SNX29: variants seen among roughly 807,000 people sequenced by gnomAD.
SNX29 encodes the protein sorting nexin-29.
In SNX29, 78 loss-of-function variants were observed where a neutral mutation model predicts 102.1. That is an observed-to-expected ratio of 0.76 (90% CI 0.64 to 0.92). SNX29 has a LOEUF of 0.92. Among genes scored for constraint, SNX29 ranks in the 40% least tolerant of loss-of-function variants. SNX29 has a pLI of 0.00. For synonymous variants in SNX29, 580 were observed against 414.5 expected (o/e 1.40, Z -4.85); for missense variants, 1,280 against 1,061.7 (o/e 1.21, Z -2.86).
intron 20 of SNX29, among the ~76,000 whole-genome samples, chr16:12,535,257 G>T (rs1343003648): frequency 6.6e-6 from 1 of 152,176 alleles, no homozygotes. Flanking sequence ...TTGTGCTTCA[G>T]CCTCCCAAGT....
chr16:12,059,355 C>T (rs142312231), intron 8 of SNX29, among the ~76,000 whole-genome samples: 26 of 152,312 alleles, frequency 1.7e-4, no homozygotes, highest in African/African-American at 4.8e-4. Flanking sequence ...CTCAGGAGGG[C>T]GCCTCTTGAC....
chr16:12,405,141 G>C (rs144559630), intron 18 of SNX29, among the ~76,000 whole-genome samples: 223 of 152,296 alleles, frequency 1.5e-3, no homozygotes, highest in Middle Eastern at 0.01. Context: ...GGTCATCAGA[G>C]AGCTGGAAGG....
chr16:12,192,629 A>G (rs1209134188), intron 13 of SNX29, among the ~76,000 whole-genome samples: 1 of 152,142 alleles, frequency 6.6e-6, no homozygotes, highest in Non-Finnish European at 1.5e-5. Context: ...CTCCTGCCTC[A>G]GCCTCTGGAG....
chr16:12,064,715 C>T (rs2050943530), intron 9 of SNX29, among the ~76,000 whole-genome samples: 1 of 152,206 alleles, frequency 6.6e-6, no homozygotes, highest in Non-Finnish European at 1.5e-5. Context: ...GTCCTGATGC[C>T]CCATTTCCAT....
At chr16:12,222,969 A>C (rs1352865679) in intron 14 of SNX29, among the ~76,000 whole-genome samples, 1 of 152,232 alleles carries the variant, frequency 6.6e-6, no homozygotes, top group Non-Finnish European at 1.5e-5. Context: ...GGCTCAATGC[A>C]GGGCTCTGCA....
At chr16:12,469,124 A>G (rs1481582718) in intron 18 of SNX29, among the ~76,000 whole-genome samples, 1 of 152,194 alleles carries the variant, frequency 6.6e-6, no homozygotes, top group Non-Finnish European at 1.5e-5. Flanking sequence ...TCCTTCTTTC[A>G]AAGATCTGTG....
rs949239892 is a variant in SNX29, at chr16:12,378,097, G to C, written c.1900-20349G>C. 2.0e-5 allele frequency among the ~76,000 whole-genome samples: 3 copies of C among 152,326 alleles called. No individual in the cohort carries two copies. The East Asian group carries it at 5.8e-4, about 29-fold the overall frequency. On this transcript the variant is annotated intron_variant, in intron 16 of 20. Coordinates refer to ENST00000566228, the MANE Select transcript of SNX29 (RefSeq NM_032167.5). ...ATATTAGATACTAAGAAAGTCCAGA[G>C]GTAGGTGAGTGCCTCATTGTGTTTT... is the stretch of plus-strand genomic sequence containing the variant.
At chr16:12,171,959 C>T (rs916216534) in intron 13 of SNX29, among the ~76,000 whole-genome samples, 3 of 152,150 alleles carry the variant, frequency 2.0e-5, no homozygotes, top group South Asian at 4.1e-4. Flanking sequence ...AGGACATTGA[C>T]GAGGATGCGG....
chr16:12,350,150 A>T (rs891112884), intron 15 of SNX29, among the ~76,000 whole-genome samples: 1 of 152,178 alleles, frequency 6.6e-6, no homozygotes, highest in Non-Finnish European at 1.5e-5. Flanking sequence ...CTGTGTCATT[A>T]TTGAGGTAGC....
chr16:12,496,491 T>G (rs2088830827), intron 19 of SNX29, among the ~76,000 whole-genome samples: 1 of 145,562 alleles, frequency 6.9e-6, no homozygotes, highest in Non-Finnish European at 1.5e-5. Context: ...TTCTCACACC[T>G]CCTTGGCTCT....
Position 12,568,816 on chromosome 16 carries a change from A to C in SNX29, c.*187A>C. 1.1e-6 allele frequency: 1 copy of C among 904,696 alleles called. No individual in the cohort carries two copies. Among genetic ancestry groups the C allele is most frequent in the South Asian group, 1.8e-5 (1 of 56,102 alleles). The allele number at this position is 904,696 out of a possible 1,614,324, so 56.0% of individuals were successfully genotyped here. On this transcript the variant is annotated 3_prime_UTR_variant, in exon 21 of 21. Transcript: ENST00000566228. ...AGTCTTCGAGCCGCATGATACCGTG[A>C]CCCGAGAGACCAAGGCAGCACCTCG...
chr16:12,550,084 G>A (rs903742798), intron 20 of SNX29, among the ~76,000 whole-genome samples: 1 of 152,202 alleles, frequency 6.6e-6, no homozygotes, highest in Admixed American at 6.5e-5. Context: ...TAGGAAGTTT[G>A]CCAACCTATG....
chr16:12,466,736 T>A (rs1245335460), intron 18 of SNX29, among the ~76,000 whole-genome samples: 1 of 152,054 alleles, frequency 6.6e-6, no homozygotes, highest in Admixed American at 6.6e-5. Context: ...CAGGGGCTGG[T>A]GTTGGCAGCA....
At chr16:12,012,662 C>T (rs2056692917) in intron 3 of SNX29, among the ~76,000 whole-genome samples, 1 of 152,102 alleles carries the variant, frequency 6.6e-6, no homozygotes, top group Non-Finnish European at 1.5e-5. Context: ...CCGCCTCGGC[C>T]TCCCAAAGTG....
At chr16:12,423,196 G>T (rs938788849) in intron 18 of SNX29, among the ~76,000 whole-genome samples, 20 of 146,012 alleles carry the variant, frequency 1.4e-4, no homozygotes, top group African/African-American at 4.7e-4. Context: ...GCATGGGGTT[G>T]TTTTTTTTTT....
intron 13 of SNX29, among the ~76,000 whole-genome samples, chr16:12,185,696 C>T (rs577927262): frequency 6.6e-6 from 1 of 152,344 alleles, no homozygotes; most frequent in South Asian, 2.1e-4. Context: ...TTTGTTGAGA[C>T]GACTGTGACT....
chr16:12,193,562 ATCT>A (rs376106947), intron 13 of SNX29, among the ~76,000 whole-genome samples: 1 of 152,186 alleles, frequency 6.6e-6, no homozygotes, highest in Admixed American at 6.5e-5. Context: ...TATCTAAGAA[ATCT>A]TCTTTGTCTA....
At chr16:12,155,763 C>G (rs959162352) in intron 13 of SNX29, among the ~76,000 whole-genome samples, 2 of 152,138 alleles carry the variant, frequency 1.3e-5, no homozygotes, top group Admixed American at 6.5e-5. Flanking sequence ...CCTGGAGAGT[C>G]TACAACCACC....
At chr16:12,519,185 C>T (rs1054056546) in intron 19 of SNX29, among the ~76,000 whole-genome samples, 1 of 152,192 alleles carries the variant, frequency 6.6e-6, no homozygotes, top group Non-Finnish European at 1.5e-5. Context: ...TGTTTCAGAA[C>T]ATTGCTCAGG....
Sources: gnomAD v4.1 joint callset for allele counts (sites outside exome capture counted in the v4.1 genomes callset) on GRCh38, gnomAD v4.1.1 for gene constraint, MANE v1.5 for transcripts, NCBI Gene and HGNC (gene_info 2026-07-23, HGNC 2026-07-21) for gene names.